Variants in PCDHA1 observed in about 807,000 individuals in gnomAD.
The protein encoded by PCDHA1 is protocadherin alpha 1.
PCDHA1 carries 42 observed loss-of-function variants against 61.3 expected under a neutral mutation model. The observed-to-expected ratio is 0.69, with a 90% CI of 0.54 to 0.89. The LOEUF (loss-of-function observed/expected upper bound fraction) is 0.89, where lower values mean the gene tolerates loss of function less well. Among genes scored for constraint, PCDHA1 ranks in the 40% least tolerant of loss-of-function variants. The pLI is 0.00. For missense variants in PCDHA1, 1,256 were observed against 1,235.3 expected (o/e 1.02, Z -0.25); for synonymous variants, 610 against 553.8 (o/e 1.10, Z -1.43).
chr5:140,988,444 A>G (rs1554250146), intron 3 of PCDHA1, among the ~76,000 whole-genome samples: 1 of 152,112 alleles, frequency 6.6e-6, no homozygotes, highest in Non-Finnish European at 1.5e-5. Flanking sequence ...GATTGACCTG[A>G]AGGGAGGAAG....
chr5:140,985,499 C>G (rs1307302690), intron 3 of PCDHA1, among the ~76,000 whole-genome samples: 1 of 152,170 alleles, frequency 6.6e-6, no homozygotes, highest in African/African-American at 2.4e-5. Flanking sequence ...TAGAGCCTGC[C>G]TTTCATTGAT....
chr5:140,989,609 T>C (rs782186182), intron 3 of PCDHA1, among the ~76,000 whole-genome samples: 4 of 152,178 alleles, frequency 2.6e-5, no homozygotes, highest in Non-Finnish European at 5.9e-5. Flanking sequence ...AAACTAAAAA[T>C]GAAAGTCTGT....
intron 1 of PCDHA1, chr5:140,928,113 G>C: frequency 6.2e-7 from 1 of 1,614,228 alleles, no homozygotes; most frequent in Admixed American, 1.7e-5. Context: ...ACCGGGAGCA[G>C]ATCAGTGAAT....
intron 1 of PCDHA1, chr5:140,788,969 C>T (rs1396572240): frequency 6.2e-6 from 3 of 480,166 alleles, no homozygotes; most frequent in Non-Finnish European, 1.0e-5. Context: ...ATATTTAACA[C>T]AATATCTCAA....
At chr5:140,851,891 A>T (rs1554145590) in intron 1 of PCDHA1, 4 of 976,308 alleles carry the variant, frequency 4.1e-6, no homozygotes, top group East Asian at 1.1e-4. Flanking sequence ...TGGATATGAG[A>T]TTTGCCTCTT....
chr5:140,818,170 C>T (rs1554127409), intron 1 of PCDHA1, among the ~76,000 whole-genome samples: 1 of 152,176 alleles, frequency 6.6e-6, no homozygotes, highest in African/African-American at 2.4e-5. Flanking sequence ...CATATTTTCT[C>T]TTATATTCTT....
chr5:140,954,505 A>G (rs1011072156), intron 1 of PCDHA1, among the ~76,000 whole-genome samples: 2 of 152,082 alleles, frequency 1.3e-5, no homozygotes, highest in Non-Finnish European at 2.9e-5. Flanking sequence ...TTTGATTTGC[A>G]TTTACCTAAT....
intron 1 of PCDHA1, among the ~76,000 whole-genome samples, chr5:140,792,966 G>A (rs963422164): frequency 2.6e-5 from 4 of 152,250 alleles, no homozygotes; most frequent in Admixed American, 2.6e-4. Context: ...AATTTAGGTG[G>A]AGCTGATTTC....
At chr5:140,830,280 G>C (rs2150184170) in intron 1 of PCDHA1, 5 of 1,613,766 alleles carry the variant, frequency 3.1e-6, no homozygotes, top group Admixed American at 1.7e-5. Flanking sequence ...CCCACCGAGG[G>C]CGCGTGCACG....
Position 140,850,196 on chromosome 5 carries a change from A to C in PCDHA1, c.2394+61512A>C, listed in dbSNP as rs1367952118. 5 of 1,592,830 alleles carry C rather than the reference A, an allele frequency of 3.1e-6. No homozygotes were observed. The Admixed American group carries it at 8.4e-5, about 27-fold the overall frequency. On this transcript the variant is annotated intron_variant, in intron 1 of 3. Transcript: ENST00000504120. ...ACGACAATGCGCCGGCGCTGCTGAC[A>C]CCTCGGATGAGGGGCACTGACGGCG...
At position 140,830,008 on chromosome 5, in the gene PCDHA1, A is replaced by G. The variant is rs2150179389; in HGVS notation, c.2394+41324A>G. The G allele has an allele frequency of 0.011, 17,411 of 1,613,856 alleles. 1,614 individuals are homozygous for G. In the African/African-American group the frequency reaches 0.2, roughly 19 times the overall value. On this transcript the variant is annotated intron_variant, in intron 1 of 3. Coordinates refer to ENST00000504120, the MANE Select transcript of PCDHA1 (RefSeq NM_018900.4). Reference sequence around the variant, plus strand: ...TCAGCACCACTCGTGTCCTGGACGAAGCGGACTCTCCGCGCCACCGGCTGC... The same window carrying G: ...TCAGCACCACTCGTGTCCTGGACGAGGCGGACTCTCCGCGCCACCGGCTGC...
At chr5:140,978,795 G>T in intron 1 of PCDHA1, 154 bp from the exon 2 acceptor site, 1 of 979,238 alleles carries the variant, frequency 1.0e-6, no homozygotes, top group Non-Finnish European at 1.2e-6. Flanking sequence ...TGCTATATAT[G>T]TAGATATCAT....
intron 1 of PCDHA1, among the ~76,000 whole-genome samples, chr5:140,899,834 G>T (rs181729880): frequency 6.6e-6 from 1 of 152,198 alleles, no homozygotes; most frequent in Admixed American, 6.5e-5. Context: ...TTTGAGACAG[G>T]TCTTGCTGTG....
intron 1 of PCDHA1, chr5:140,858,577 A>T: frequency 7.4e-7 from 1 of 1,352,316 alleles, no homozygotes; most frequent in Non-Finnish European, 1.0e-6. Context: ...ATACCTTTGT[A>T]ATATAATTTA....
At chr5:140,984,942 A>C (rs1263555467) in intron 3 of PCDHA1, among the ~76,000 whole-genome samples, 1 of 151,954 alleles carries the variant, frequency 6.6e-6, no homozygotes, top group Admixed American at 6.6e-5. Context: ...ATAAATGTCT[A>C]ATCTTTTTTT....
At chr5:140,888,749 AC>A (rs1218374821) in intron 1 of PCDHA1, among the ~76,000 whole-genome samples, 1 of 151,232 alleles carries the variant, frequency 6.6e-6, no homozygotes, top group African/African-American at 2.4e-5. Context: ...GAATTATTCT[AC>A]CCACTTTTTT....
intron 1 of PCDHA1, chr5:140,929,146 CAG>C (rs782305171): frequency 6.2e-7 from 1 of 1,614,180 alleles, no homozygotes; most frequent in Non-Finnish European, 8.5e-7. Flanking sequence ...GAGACTTTCT[CAG>C]ACTTATCTCT....
At chr5:140,796,770 C>G (rs1762134652) in intron 1 of PCDHA1, 1 of 1,614,026 alleles carries the variant, frequency 6.2e-7, no homozygotes, top group African/African-American at 1.3e-5. Context: ...CTGACTCAGG[C>G]TACAACGCGT....
Position 140,895,311 on chromosome 5 carries a change from C to T in PCDHA1, c.2395-83638C>T, listed in dbSNP as rs572826090. 2.0e-5 allele frequency among the ~76,000 whole-genome samples: 3 copies of T among 152,252 alleles called. No homozygotes were observed. The South Asian group carries it at 6.2e-4, about 32-fold the overall frequency. On this transcript the variant is annotated intron_variant, in intron 1 of 3. Transcript: ENST00000504120. ...GACCTTCGATTTCCCCCCTTCCACC[C>T]ATGACTATTGTTCTCAAATTGTTTT...
Sources: gnomAD v4.1 joint callset for allele counts (sites outside exome capture counted in the v4.1 genomes callset) on GRCh38, gnomAD v4.1.1 for gene constraint, MANE v1.5 for transcripts, NCBI Gene and HGNC (gene_info 2026-07-23, HGNC 2026-07-21) for gene names.